RYR2: variants seen among roughly 807,000 people sequenced by gnomAD.
The protein encoded by RYR2 is ryanodine receptor 2.
A neutral mutation model predicts 601.1 loss-of-function variants in RYR2; 227 were observed. The observed-to-expected ratio is 0.38, with a 90% CI of 0.34 to 0.42. RYR2 has a LOEUF of 0.42. RYR2 is among the 10% of genes least tolerant of loss of function. The pLI, the probability that RYR2 is intolerant of heterozygous loss-of-function variation, is 1.00. For missense variants in RYR2, 4,646 were observed against 6,156.5 expected (o/e 0.75, Z 8.21); for synonymous variants, 2,223 against 2,175.1 (o/e 1.02, Z -0.61).
At chr1:237,486,644 T>G (rs964041405) in intron 17 of RYR2, among the ~76,000 whole-genome samples, 3 of 152,292 alleles carry the variant, frequency 2.0e-5, no homozygotes, top group Non-Finnish European at 2.9e-5. Context: ...GACTAAGTAT[T>G]GAGATTTAGT....
chr1:237,643,209 T>C lies in RYR2; in HGVS notation c.7222-118T>C, dbSNP rs1681750681. Reference sequence around the variant, plus strand: ...TATTTCTGAGAGAGGCATAACTTTATGTATACACTGATCAGAAAATTATTT... The same window carrying C: ...TATTTCTGAGAGAGGCATAACTTTACGTATACACTGATCAGAAAATTATTT... On this transcript the variant is annotated intron_variant, in intron 47 of 104. Coordinates refer to ENST00000366574, the MANE Select transcript of RYR2 (RefSeq NM_001035.3). 2.4e-6 allele frequency: 3 copies of C among 1,261,344 alleles called. No homozygotes were observed. In the Admixed American group the frequency reaches 6.3e-5, roughly 27 times the overall value. 78.1% of individuals were successfully genotyped at this position (1,261,344 alleles called of 1,614,324 possible). A position where few individuals can be genotyped will look rare whatever the true frequency, so the allele number is the denominator to read the frequency against.
At chr1:237,637,027 T>C (rs1680945366) in intron 44 of RYR2, among the ~76,000 whole-genome samples, 1 of 151,964 alleles carries the variant, frequency 6.6e-6, no homozygotes, top group Non-Finnish European at 1.5e-5. Context: ...TGGGACTAGG[T>C]GTGTGGGGAG....
chr1:237,554,825 C>T (rs1243600197), intron 27 of RYR2, among the ~76,000 whole-genome samples: 1 of 151,992 alleles, frequency 6.6e-6, no homozygotes, highest in Non-Finnish European at 1.5e-5. Flanking sequence ...TTAATGATAT[C>T]TCTCTTTTCA....
At position 237,377,442 on chromosome 1, in the gene RYR2, G is replaced by C. The variant is rs10925392; in HGVS notation, c.576+7G>C. 1,754 of 1,597,278 alleles carry C rather than the reference G, an allele frequency of 1.1e-3. 28 individuals are homozygous for C. In the African/African-American group the frequency reaches 0.02, roughly 18 times the overall value. ...GTCCTCTGAAAGGTACTTGGTAAGT[G>C]TGGAAAGTAGGATCATGTATCTGCT... On this transcript the variant is annotated splice_region_variant and intron_variant, in intron 8 of 104. Coordinates refer to ENST00000366574, the MANE Select transcript of RYR2 (RefSeq NM_001035.3).
At chr1:237,597,076 G>A (rs1043967355) in intron 34 of RYR2, among the ~76,000 whole-genome samples, 3 of 152,122 alleles carry the variant, frequency 2.0e-5, no homozygotes, top group Admixed American at 6.5e-5. Context: ...AAACCCATTC[G>A]TAGAAGTAAA....
chr1:237,407,996 T>C (rs1704082107), intron 10 of RYR2, among the ~76,000 whole-genome samples: 1 of 152,178 alleles, frequency 6.6e-6, no homozygotes. Flanking sequence ...AAATATTGTC[T>C]TTCAGTCTCT....
At chr1:237,385,959 C>T (rs751594717) in intron 8 of RYR2, among the ~76,000 whole-genome samples, 1 of 152,122 alleles carries the variant, frequency 6.6e-6, no homozygotes, top group African/African-American at 2.4e-5. Context: ...TTTGTTAAAG[C>T]AGATGGGATA....
intron 1 of RYR2, among the ~76,000 whole-genome samples, chr1:237,048,905 C>T (rs1321507881): frequency 6.6e-6 from 1 of 152,080 alleles, no homozygotes; most frequent in Non-Finnish European, 1.5e-5. Context: ...TTGAATGCGT[C>T]CAAATGCAGA....
chr1:237,756,038 T>C (rs1692923790), intron 80 of RYR2, among the ~76,000 whole-genome samples: 1 of 151,162 alleles, frequency 6.6e-6, no homozygotes, highest in Non-Finnish European at 1.5e-5. Flanking sequence ...AATCAAATCA[T>C]TAAAATTGAG....
chr1:237,108,104 C>CA (rs1218912172), intron 1 of RYR2, among the ~76,000 whole-genome samples: 1 of 152,172 alleles, frequency 6.6e-6, no homozygotes, highest in East Asian at 1.9e-4. Flanking sequence ...TAACAGGGAA[C>CA]ATGATCCTAG....
rs182951386 is a variant in RYR2 at position 237,631,924 on chromosome 1, C to G, written c.6555+383C>G. Reference sequence around the variant, plus strand: ...CTGGGATTACAGGCGTGAGCCACCGCGCCCAGCCCAGATTGTAGATTCTTA... The same window carrying G: ...CTGGGATTACAGGCGTGAGCCACCGGGCCCAGCCCAGATTGTAGATTCTTA... On this transcript the variant is annotated intron_variant, in intron 42 of 104. Transcript: ENST00000366574. 2.6e-5 allele frequency among the ~76,000 whole-genome samples: 4 copies of G among 151,854 alleles called. No homozygotes were observed. The East Asian group carries it at 5.8e-4, about 22-fold the overall frequency.
In RYR2 at chr1:237,374,579, G is replaced by T. The variant is rs1414526651; in HGVS notation, c.385-138G>T. ...AGGCTGAGGTGGGATGACTGCTTGA[G>T]CCCAGGAGGTTGAGGCTGCAGTGAG... On this transcript the variant is annotated intron_variant, in intron 6 of 104. Coordinates refer to ENST00000366574, the MANE Select transcript of RYR2 (RefSeq NM_001035.3). 1.6e-5 allele frequency: 11 copies of T among 679,698 alleles called. 1 individual carries two copies. In the East Asian group the frequency reaches 3.3e-4, roughly 20 times the overall value. 42.1% of individuals were successfully genotyped at this position (679,698 alleles called of 1,614,324 possible).
intron 3 of RYR2, among the ~76,000 whole-genome samples, chr1:237,344,708 A>G (rs1698141598): frequency 1.3e-5 from 2 of 152,166 alleles, no homozygotes; most frequent in Admixed American, 1.3e-4. Context: ...TGTATTTTAT[A>G]CATTTTATTT....
intron 10 of RYR2, among the ~76,000 whole-genome samples, chr1:237,407,953 C>T (rs1268438778): frequency 4.6e-5 from 7 of 152,148 alleles, no homozygotes; most frequent in Admixed American, 1.3e-4. Context: ...TTACATATTT[C>T]GGATGCCAGT....
chr1:237,062,449 C>T (rs1193701772), intron 1 of RYR2, among the ~76,000 whole-genome samples: 2 of 152,108 alleles, frequency 1.3e-5, no homozygotes, highest in Non-Finnish European at 2.9e-5. Context: ...AAAGACTTTG[C>T]ACATTTTGGG....
intron 36 of RYR2, among the ~76,000 whole-genome samples, chr1:237,612,290 G>A (rs2148583011): frequency 6.6e-6 from 1 of 152,220 alleles, no homozygotes; most frequent in South Asian, 2.1e-4. Flanking sequence ...AGCGGAACAG[G>A]ACTGCTAATG....
intron 62 of RYR2, among the ~76,000 whole-genome samples, chr1:237,683,920 G>A (rs1448585271): frequency 2.3e-5 from 1 of 43,836 alleles, no homozygotes. Flanking sequence ...TTAGCAGGTG[G>A]GTCTTTTTCT....
In RYR2 at chr1:237,810,437, C is replaced by CAGGTTTGCAAAGTATTCACGTTT. The variant is rs1661134113; in HGVS notation, c.14433+1403_14433+1425dup. On this transcript the variant is annotated intron_variant, in intron 100 of 104. Transcript: ENST00000366574. ...AATGAAAAAAACACTTTTTACCTAT[C>CAGGTTTGCAAAGTATTCACGTTT]AGGTTTGCAAAGTATTCACGTTTGT... Among the ~76,000 whole-genome samples, 5 of 152,298 alleles carry CAGGTTTGCAAAGTATTCACGTTT rather than the reference C, an allele frequency of 3.3e-5. No individual in the cohort carries two copies. In the South Asian group the frequency reaches 8.3e-4, roughly 25 times the overall value.
intron 8 of RYR2, among the ~76,000 whole-genome samples, chr1:237,380,969 T>G (rs1224428744): frequency 6.6e-6 from 1 of 151,964 alleles, no homozygotes; most frequent in Non-Finnish European, 1.5e-5. Context: ...TCCCAGCTAC[T>G]TGGGAGGCTG....
Sources: gnomAD v4.1 joint callset for allele counts (sites outside exome capture counted in the v4.1 genomes callset) on GRCh38, gnomAD v4.1.1 for gene constraint, MANE v1.5 for transcripts, NCBI Gene and HGNC (gene_info 2026-07-23, HGNC 2026-07-21) for gene names.